The following TAFA5 variants were observed in gnomAD, a reference collection of about 807,000 sequenced individuals.
TAFA5 encodes TAFA chemokine like family member 5, also known as chemokine-like protein TAFA-5.
A neutral mutation model predicts 15.3 loss-of-function variants in TAFA5; 6 were observed. The observed-to-expected ratio is 0.39, with a 90% CI of 0.21 to 0.77. The LOEUF is 0.77. Ranked by LOEUF, TAFA5 falls within the 30% of genes least tolerant of loss-of-function variation. The probability of loss-of-function intolerance (pLI) is 0.41; values close to 1 mark genes in which losing one functional copy is unlikely to be tolerated. For synonymous variants in TAFA5, 103 were observed against 80.7 expected (o/e 1.28, Z -1.48); for missense variants, 161 against 193.1 (o/e 0.83, Z 0.98).
intron 3 of TAFA5, among the ~76,000 whole-genome samples, chr22:48,734,359 T>C (rs947005148): frequency 6.6e-6 from 1 of 152,242 alleles, no homozygotes; most frequent in Non-Finnish European, 1.5e-5. Flanking sequence ...TTAGTAAGAT[T>C]TGAATCCAGT....
At chr22:48,517,855 C>T (rs1025222991) in intron 1 of TAFA5, among the ~76,000 whole-genome samples, 4 of 152,220 alleles carry the variant, frequency 2.6e-5, no homozygotes, top group South Asian at 2.1e-4. Context: ...CAGGCACGGC[C>T]GGGTGGGGGT....
chr22:48,574,538 C>T (rs1276135361), intron 1 of TAFA5, among the ~76,000 whole-genome samples: 1 of 152,162 alleles, frequency 6.6e-6, no homozygotes. Context: ...AGGGCCAGGC[C>T]TCTTTCCCTT....
chr22:48,704,394 T>C (rs1929014343), intron 2 of TAFA5, among the ~76,000 whole-genome samples: 1 of 152,108 alleles, frequency 6.6e-6, no homozygotes, highest in African/African-American at 2.4e-5. Context: ...GCATCAGGGA[T>C]GGGAGACACA....
intron 2 of TAFA5, among the ~76,000 whole-genome samples, chr22:48,650,479 G>A (rs1927014184): frequency 6.6e-6 from 1 of 152,110 alleles, no homozygotes; most frequent in Non-Finnish European, 1.5e-5. Flanking sequence ...TTTTCCCGCT[G>A]GGACCTCAGC....
intron 1 of TAFA5, among the ~76,000 whole-genome samples, chr22:48,516,292 C>T (rs1374242890): frequency 6.6e-6 from 1 of 152,160 alleles, no homozygotes; most frequent in Admixed American, 6.5e-5. Context: ...TACATATTAA[C>T]GGCTTTTCTT....
At chr22:48,666,526 G>A (rs1215439077) in intron 2 of TAFA5, among the ~76,000 whole-genome samples, 2 of 152,148 alleles carry the variant, frequency 1.3e-5, no homozygotes, top group African/African-American at 2.4e-5. Flanking sequence ...ACTGAGGCCC[G>A]TGACCAGGCA....
chr22:48,557,152 C>T (rs917538221), intron 1 of TAFA5, among the ~76,000 whole-genome samples: 5 of 152,302 alleles, frequency 3.3e-5, no homozygotes, highest in African/African-American at 4.8e-5. Flanking sequence ...CCCCAAAATC[C>T]GTATGTTGAT....
chr22:48,653,589 T>C (rs1036890702), intron 2 of TAFA5, among the ~76,000 whole-genome samples: 4 of 152,156 alleles, frequency 2.6e-5, no homozygotes, highest in African/African-American at 7.2e-5. Flanking sequence ...AGCCCAGTTT[T>C]ACCAGAAGGG....
At chr22:48,599,945 G>A (rs890846815) in intron 1 of TAFA5, among the ~76,000 whole-genome samples, 2 of 152,174 alleles carry the variant, frequency 1.3e-5, no homozygotes, top group Non-Finnish European at 2.9e-5. Context: ...TCCAGCAGGA[G>A]CCTTCCTGCC....
chr22:48,709,172 G>A (rs1300827118), intron 3 of TAFA5, among the ~76,000 whole-genome samples: 1 of 152,212 alleles, frequency 6.6e-6, no homozygotes, highest in Non-Finnish European at 1.5e-5. Context: ...CCTGCAGGAG[G>A]AGTGTGAGGC....
intron 3 of TAFA5, among the ~76,000 whole-genome samples, chr22:48,713,320 A>G (rs775607374): frequency 1.3e-5 from 2 of 152,230 alleles, no homozygotes; most frequent in African/African-American, 2.4e-5. Context: ...TCGGATGTCT[A>G]AATTCCACCC....
chr22:48,505,247 G>C (rs1406951238), intron 1 of TAFA5, among the ~76,000 whole-genome samples: 1 of 152,214 alleles, frequency 6.6e-6, no homozygotes, highest in Non-Finnish European at 1.5e-5. Flanking sequence ...ATCTGTGGAG[G>C]GGTCACCCTG....
At chr22:48,641,794 TC>T (rs1382194931) in intron 1 of TAFA5, among the ~76,000 whole-genome samples, 1 of 152,060 alleles carries the variant, frequency 6.6e-6, no homozygotes, top group Non-Finnish European at 1.5e-5. Flanking sequence ...CAGAGGCCAC[TC>T]CCCAAGCACT....
At chr22:48,585,870 C>T (rs1222128327) in intron 1 of TAFA5, among the ~76,000 whole-genome samples, 1 of 152,160 alleles carries the variant, frequency 6.6e-6, no homozygotes, top group Non-Finnish European at 1.5e-5. Flanking sequence ...CACAAACATA[C>T]ACCACATGCA....
chr22:48,618,393 A>AT (rs1925688716), intron 1 of TAFA5, among the ~76,000 whole-genome samples: 1 of 152,268 alleles, frequency 6.6e-6, no homozygotes, highest in Non-Finnish European at 1.5e-5. Context: ...GAAAAAGGCC[A>AT]TGCGTGCAGT....
At chr22:48,622,262 C>A (rs1316249677) in intron 1 of TAFA5, among the ~76,000 whole-genome samples, 5 of 152,128 alleles carry the variant, frequency 3.3e-5, no homozygotes, top group Non-Finnish European at 5.9e-5. Flanking sequence ...GTTTCAGTGA[C>A]CCGGAGGAGA....
chr22:48,706,332 C>G (rs931374212), intron 2 of TAFA5, among the ~76,000 whole-genome samples: 3 of 152,144 alleles, frequency 2.0e-5, no homozygotes, highest in African/African-American at 7.2e-5. Flanking sequence ...CCGAGGAACT[C>G]GGAACAGTGA....
chr22:48,625,164 T>G (rs1925985161), intron 1 of TAFA5, among the ~76,000 whole-genome samples: 1 of 151,548 alleles, frequency 6.6e-6, no homozygotes, highest in Admixed American at 6.6e-5. Flanking sequence ...GGTCTTGGTG[T>G]CCAGCATCCT....
chr22:48,595,016 G>T (rs1159190113), intron 1 of TAFA5, among the ~76,000 whole-genome samples: 2 of 152,154 alleles, frequency 1.3e-5, no homozygotes, highest in African/African-American at 4.8e-5. Flanking sequence ...GGCACATAGA[G>T]CCCCAGCCAG....
Sources: gnomAD v4.1 joint callset for allele counts (sites outside exome capture counted in the v4.1 genomes callset) on GRCh38, gnomAD v4.1.1 for gene constraint, MANE v1.5 for transcripts, NCBI Gene and HGNC (gene_info 2026-07-23, HGNC 2026-07-21) for gene names.